The following CDK8 variants were observed in gnomAD, a reference collection of about 807,000 sequenced individuals.
CDK8 encodes cyclin-dependent kinase 8.
A neutral mutation model predicts 71.5 loss-of-function variants in CDK8; 29 were observed. That is an observed-to-expected ratio of 0.41 (90% CI 0.30 to 0.55). The LOEUF (loss-of-function observed/expected upper bound fraction) is 0.55, where lower values mean the gene tolerates loss of function less well. Ranked by LOEUF, CDK8 falls within the 20% of genes least tolerant of loss-of-function variation. The pLI is 0.37. For synonymous variants in CDK8, 161 were observed against 192.1 expected (o/e 0.84, Z 1.34); for missense variants, 288 against 572.6 (o/e 0.50, Z 5.07).
chr13:26,378,288 C>T (rs34148558), intron 4 of CDK8, among the ~76,000 whole-genome samples: 2,795 of 152,214 alleles, frequency 0.018, 46 homozygotes, highest in South Asian at 0.03. Context: ...AACCAATTTG[C>T]TATCCTTGGT....
chr13:26,286,444 A>G (rs1356032060), intron 1 of CDK8, among the ~76,000 whole-genome samples: 9 of 152,260 alleles, frequency 5.9e-5, no homozygotes, highest in Non-Finnish European at 1.2e-4. Flanking sequence ...TGGTGCTGGG[A>G]TAATTGGCAA....
intron 1 of CDK8, among the ~76,000 whole-genome samples, chr13:26,322,874 C>T (rs1043982410): frequency 5.9e-5 from 9 of 152,136 alleles, no homozygotes; most frequent in East Asian, 1.9e-4. Context: ...GAAATTTTGT[C>T]GATTTTATAT....
intron 2 of CDK8, among the ~76,000 whole-genome samples, chr13:26,344,563 G>A (rs142548312): frequency 0.068 from 10,327 of 152,166 alleles, 386 homozygotes; most frequent in South Asian, 0.14. Flanking sequence ...CCAGGAGTTC[G>A]AGACCAGCCT....
At chr13:26,286,052 G>A (rs1047938767) in intron 1 of CDK8, among the ~76,000 whole-genome samples, 2 of 152,172 alleles carry the variant, frequency 1.3e-5, no homozygotes, top group Non-Finnish European at 2.9e-5. Context: ...TCTTGGATGG[G>A]TAGAATCAAT....
At chr13:26,347,931 T>G (rs1461896919) in intron 2 of CDK8, among the ~76,000 whole-genome samples, 1 of 152,128 alleles carries the variant, frequency 6.6e-6, no homozygotes, top group Non-Finnish European at 1.5e-5. Flanking sequence ...ATTTCCACTT[T>G]TAGGTTTATG....
intron 1 of CDK8, chr13:26,324,852 C>T (rs1874950142): frequency 4.6e-6 from 3 of 654,810 alleles, no homozygotes; most frequent in Non-Finnish European, 5.7e-6. Flanking sequence ...CCTCCACATT[C>T]TAGTTCTGAT....
rs1163061201 is a variant in CDK8 at position 26,385,455 on chromosome 13, C to T, written c.646+113C>T. The T allele has an allele frequency of 1.5e-5, 13 of 880,640 alleles. 1 individual carries two copies. Among genetic ancestry groups the T allele is most frequent in the East Asian group, 5.6e-5 (2 of 35,486 alleles). The allele number at this position is 880,640 out of a possible 1,614,324, so 54.6% of individuals were successfully genotyped here. ...AGCAAATTATAAAAGTAAGAGCAGA[C>T]TGAGTGTGATGGCTCATGCCTGTAA... is the stretch of plus-strand genomic sequence containing the variant. On this transcript the variant is annotated intron_variant, in intron 6 of 12. Transcript: ENST00000381527.
intron 10 of CDK8, 93 bp downstream of exon 10, chr13:26,400,643 A>G (rs752848835): frequency 1.3e-6 from 1 of 780,094 alleles, no homozygotes. Context: ...TCCTCCTCTT[A>G]TATGGGAACC....
chr13:26,299,392 C>T (rs542915627), intron 1 of CDK8, among the ~76,000 whole-genome samples: 18 of 152,276 alleles, frequency 1.2e-4, no homozygotes, highest in African/African-American at 4.3e-4. Context: ...GGATAGCCTA[C>T]TACACACCTA....
intron 4 of CDK8, among the ~76,000 whole-genome samples, chr13:26,358,562 G>T (rs1315411504): frequency 6.6e-6 from 1 of 152,168 alleles, no homozygotes; most frequent in Admixed American, 6.5e-5. Flanking sequence ...TAATACAGCT[G>T]CTGTGGAAAA....
At chr13:26,352,629 T>A (rs897493676) in intron 3 of CDK8, among the ~76,000 whole-genome samples, 4 of 152,182 alleles carry the variant, frequency 2.6e-5, no homozygotes, top group African/African-American at 9.7e-5. Context: ...TTGCCTGCTA[T>A]TAAATACTTT....
At chr13:26,343,614 C>T (rs1008004263) in intron 2 of CDK8, among the ~76,000 whole-genome samples, 11 of 152,110 alleles carry the variant, frequency 7.2e-5, no homozygotes, top group African/African-American at 2.4e-4. Flanking sequence ...CAGGTCTGAA[C>T]GTTGCTCAGG....
chr13:26,316,218 G>C (rs190545726), intron 1 of CDK8, among the ~76,000 whole-genome samples: 194 of 152,204 alleles, frequency 1.3e-3, no homozygotes, highest in African/African-American at 3.7e-3. Flanking sequence ...AACTTAGCTG[G>C]GCATGGTTGC....
chr13:26,287,736 A>G (rs1157744312), intron 1 of CDK8, among the ~76,000 whole-genome samples: 2 of 152,190 alleles, frequency 1.3e-5, no homozygotes, highest in African/African-American at 2.4e-5. Context: ...ATATAAATAA[A>G]TAGATCAAAT....
chr13:26,287,474 A>C (rs1339887173), intron 1 of CDK8, among the ~76,000 whole-genome samples: 1 of 152,238 alleles, frequency 6.6e-6, no homozygotes, highest in Non-Finnish European at 1.5e-5. Flanking sequence ...CAGGAATGGA[A>C]AACCAAACAT....
chr13:26,279,112 C>T (rs1872652089), intron 1 of CDK8, among the ~76,000 whole-genome samples: 1 of 151,558 alleles, frequency 6.6e-6, no homozygotes, highest in Non-Finnish European at 1.5e-5. Context: ...TGTCCTATAA[C>T]GAACCCGTGA....
At chr13:26,402,108 A>G (rs1454827870) in intron 12 of CDK8, among the ~76,000 whole-genome samples, 1 of 152,216 alleles carries the variant, frequency 6.6e-6, no homozygotes. Flanking sequence ...CTCAGTTTCC[A>G]TTTGTAGACT....
chr13:26,263,728 C>G (rs1382347481), intron 1 of CDK8, among the ~76,000 whole-genome samples: 8 of 151,500 alleles, frequency 5.3e-5, no homozygotes, highest in Non-Finnish European at 1.2e-4. Flanking sequence ...CGTGAGCCAC[C>G]GCGCCCGGCT....
intron 1 of CDK8, among the ~76,000 whole-genome samples, chr13:26,314,343 A>G (rs889513773): frequency 5.9e-5 from 9 of 152,218 alleles, no homozygotes; most frequent in African/African-American, 2.2e-4. Context: ...TTCTGTTAAC[A>G]TCATCAATCT....
Sources: gnomAD v4.1 joint callset for allele counts (sites outside exome capture counted in the v4.1 genomes callset) on GRCh38, gnomAD v4.1.1 for gene constraint, MANE v1.5 for transcripts, NCBI Gene and HGNC (gene_info 2026-07-23, HGNC 2026-07-21) for gene names.